The following MYRIP variants were observed in gnomAD, a reference collection of about 807,000 sequenced individuals.
MYRIP encodes myosin VIIA and Rab interacting protein, also known as rab effector MyRIP.
In MYRIP, 49 loss-of-function variants were observed where a neutral mutation model predicts 98.0. The observed-to-expected ratio is 0.50, with a 90% CI of 0.40 to 0.63. The LOEUF (loss-of-function observed/expected upper bound fraction) is 0.63. Ranked by LOEUF, MYRIP falls within the 30% of genes least tolerant of loss-of-function variation. MYRIP has a pLI of 0.00. For synonymous variants in MYRIP, 404 were observed against 409.5 expected, an observed-to-expected ratio of 0.99 and a Z score of 0.16; for missense variants, 1,004 against 1,058.2, an observed-to-expected ratio of 0.95 and a Z score of 0.71.
At position 40,215,240 on chromosome 3, in the gene MYRIP, AC is replaced by A. The variant is rs369454462; in HGVS notation, c.1905+5148del. 3.3e-4 allele frequency among the ~76,000 whole-genome samples: 51 copies of A among 152,298 alleles called. No individual in the cohort carries two copies. The East Asian group carries it at 8.5e-3, about 25-fold the overall frequency. ...GTGCTTTATTTTCACAAGGGAGTCAACAACCAGCAGACATCTCTGCAGGGAT... is the reference window on the plus strand; with the variant it reads ...GTGCTTTATTTTCACAAGGGAGTCAAAACCAGCAGACATCTCTGCAGGGAT... On this transcript the variant is annotated intron_variant, in intron 11 of 16. Transcript: ENST00000302541.
chr3:39,880,703 C>A (rs1943137223), intron 1 of MYRIP, among the ~76,000 whole-genome samples: 1 of 152,100 alleles, frequency 6.6e-6, no homozygotes, highest in Admixed American at 6.6e-5. Flanking sequence ...TTAAATGGAT[C>A]AATACACATA....
intron 3 of MYRIP, among the ~76,000 whole-genome samples, chr3:40,125,805 C>T (rs186394499): frequency 1.9e-4 from 29 of 152,236 alleles, no homozygotes; most frequent in African/African-American, 6.5e-4. Context: ...TTGTCAGCTC[C>T]GGCATCTCAC....
intron 9 of MYRIP, among the ~76,000 whole-genome samples, chr3:40,184,269 G>A (rs887613549): frequency 6.6e-6 from 1 of 152,124 alleles, no homozygotes; most frequent in Non-Finnish European, 1.5e-5. Flanking sequence ...AGATTCCATA[G>A]AGTACATGAG....
intron 2 of MYRIP, among the ~76,000 whole-genome samples, chr3:39,972,325 AG>A (rs1945607259): frequency 6.6e-6 from 1 of 152,072 alleles, no homozygotes; most frequent in Non-Finnish European, 1.5e-5. Flanking sequence ...GATTATTATT[AG>A]TACCTCTGTC....
At chr3:39,906,225 A>T (rs1238155591) in intron 2 of MYRIP, among the ~76,000 whole-genome samples, 1 of 152,042 alleles carries the variant, frequency 6.6e-6, no homozygotes, top group African/African-American at 2.4e-5. Flanking sequence ...GAAAGTTGAC[A>T]TTTCTGGAAA....
chr3:40,024,445 T>C (rs1947076120), intron 2 of MYRIP, among the ~76,000 whole-genome samples: 1 of 152,004 alleles, frequency 6.6e-6, no homozygotes, highest in African/African-American at 2.4e-5. Flanking sequence ...GGAGGGCAGG[T>C]GCAGAGAGAG....
intron 3 of MYRIP, among the ~76,000 whole-genome samples, chr3:40,090,915 T>C (rs1436666352): frequency 6.6e-6 from 1 of 152,192 alleles, no homozygotes; most frequent in Non-Finnish European, 1.5e-5. Context: ...GAGGGGGATC[T>C]TCAAGAAGCA....
intron 3 of MYRIP, among the ~76,000 whole-genome samples, chr3:40,145,695 C>T (rs1949993953): frequency 6.6e-6 from 1 of 152,238 alleles, no homozygotes; most frequent in African/African-American, 2.4e-5. Flanking sequence ...GGATCCACAA[C>T]TGTGGATATG....
At chr3:39,864,999 C>T (rs1559501004) in intron 1 of MYRIP, among the ~76,000 whole-genome samples, 1 of 152,096 alleles carries the variant, frequency 6.6e-6, no homozygotes, top group African/African-American at 2.4e-5. Context: ...AATAATGTCA[C>T]ACATTTACAA....
intron 2 of MYRIP, among the ~76,000 whole-genome samples, chr3:39,901,568 G>T (rs1003731739): frequency 2.0e-5 from 3 of 152,268 alleles, no homozygotes; most frequent in Non-Finnish European, 4.4e-5. Flanking sequence ...TGATAGAAAT[G>T]AGGTCATGTG....
chr3:39,882,437 A>G (rs1332437895), intron 1 of MYRIP, among the ~76,000 whole-genome samples: 1 of 152,186 alleles, frequency 6.6e-6, no homozygotes, highest in African/African-American at 2.4e-5. Flanking sequence ...CAAAATAGAG[A>G]TTTAGAACCC....
chr3:39,910,367 C>T (rs917860138), intron 2 of MYRIP, among the ~76,000 whole-genome samples: 1 of 152,144 alleles, frequency 6.6e-6, no homozygotes, highest in African/African-American at 2.4e-5. Context: ...ATTCAGGTGC[C>T]GTGGGATAGA....
At chr3:39,972,637 A>G (rs980855676) in intron 2 of MYRIP, among the ~76,000 whole-genome samples, 7 of 152,038 alleles carry the variant, frequency 4.6e-5, no homozygotes, top group Non-Finnish European at 7.4e-5. Flanking sequence ...ATTTTTTGAC[A>G]TAGGGACATG....
chr3:40,044,175 GCCA>G lies in MYRIP; in HGVS notation c.237_239del (p.Gln80del), dbSNP rs1559378141. The G allele has an allele frequency of 6.2e-7, 1 of 1,614,160 alleles. No individual in the cohort carries two copies. The highest frequency in any genetic ancestry group is 1.1e-5 in the South Asian group (1 of 91,076). On this transcript the variant is annotated inframe_deletion, in exon 3 of 17. Coordinates refer to ENST00000302541, the MANE Select transcript of MYRIP (RefSeq NM_015460.4). ...TTCACCTTCCTCGTCAACACCAAGCGCCAGTGTGGAGATTGCAAATTCAATGTC... is the reference window on the plus strand; with the variant it reads ...TTCACCTTCCTCGTCAACACCAAGCGGTGTGGAGATTGCAAATTCAATGTC...
At chr3:39,855,031 C>T (rs1230229734) in intron 1 of MYRIP, among the ~76,000 whole-genome samples, 1 of 152,232 alleles carries the variant, frequency 6.6e-6, no homozygotes, top group East Asian at 1.9e-4. Flanking sequence ...CCAGCATCTG[C>T]TCTCACAGAG....
At chr3:39,903,629 G>A (rs1943799856) in intron 2 of MYRIP, among the ~76,000 whole-genome samples, 1 of 152,204 alleles carries the variant, frequency 6.6e-6, no homozygotes, top group African/African-American at 2.4e-5. Context: ...GAACTAAAAT[G>A]TATAAAGCAG....
At chr3:40,223,424 AT>A (rs1952394299) in intron 11 of MYRIP, among the ~76,000 whole-genome samples, 1 of 152,238 alleles carries the variant, frequency 6.6e-6, no homozygotes, top group South Asian at 2.1e-4. Flanking sequence ...AATATATTAA[AT>A]TTAACTCACC....
intron 2 of MYRIP, among the ~76,000 whole-genome samples, chr3:39,984,535 G>A (rs939160870): frequency 1.3e-5 from 2 of 152,146 alleles, no homozygotes; most frequent in Non-Finnish European, 2.9e-5. Flanking sequence ...TTTCATCCAT[G>A]TCCCTACAAA....
intron 3 of MYRIP, among the ~76,000 whole-genome samples, chr3:40,096,218 G>A (rs1250574864): frequency 4.6e-5 from 7 of 151,990 alleles, no homozygotes; most frequent in Admixed American, 2.6e-4. Flanking sequence ...GCAGTCTCAC[G>A]CTCTCACAGA....
Sources: allele counts gnomAD v4.1 joint callset (sites outside exome capture counted in the v4.1 genomes callset), GRCh38; gene constraint gnomAD v4.1.1; transcripts MANE v1.5; gene names NCBI Gene and HGNC (gene_info 2026-07-23, HGNC 2026-07-21).